Variants in AIRIM observed in about 807,000 individuals in gnomAD.
AIRIM encodes the protein AFG2-interacting ribosome maturation factor.
At chr1:37,687,953 G>A in the AIRIM span, among the ~76,000 whole-genome samples, 1 of 151,648 alleles carries the variant, frequency 6.6e-6, no homozygotes, top group Non-Finnish European at 1.5e-5. Context: ...AAACTTCTAG[G>A]CTCAAGCGAT....
the AIRIM span, chr1:37,682,709 A>G: frequency 6.3e-6 from 1 of 158,726 alleles, no homozygotes; most frequent in African/African-American, 2.4e-5. Flanking sequence ...GTATTGACAA[A>G]AGACACAAAA....
chr1:37,689,992 G>C, the AIRIM span: 1 of 1,442,918 alleles, frequency 6.9e-7, no homozygotes, highest in South Asian at 1.5e-5. Flanking sequence ...TCAGACAGGA[G>C]TTGTCTCACC....
At chr1:37,681,746 A>G in the AIRIM span, 2 of 152,226 alleles carry the variant, frequency 1.3e-5, no homozygotes, top group Non-Finnish European at 2.9e-5. Flanking sequence ...AAACACAAAG[A>G]TTTGGGAAAA....
At chr1:37,689,984 A>G in the AIRIM span, 1 of 1,447,992 alleles carries the variant, frequency 6.9e-7, no homozygotes, top group African/African-American at 1.4e-5. Context: ...TATCGTGTTC[A>G]GACAGGAGTT....
chr1:37,683,200 C>T, the AIRIM span: 98 of 1,603,752 alleles, frequency 6.1e-5, no homozygotes, highest in Middle Eastern at 1.6e-4. Flanking sequence ...TATCACCTCT[C>T]CCGAGAACAT....
the AIRIM span, chr1:37,683,261 C>T: frequency 5.6e-6 from 9 of 1,610,816 alleles, no homozygotes; most frequent in Non-Finnish European, 7.6e-6. Context: ...TCCAAAGAGG[C>T]GAGCCACAGG....
At chr1:37,687,059 AGTGTGTGTGT>A in the AIRIM span, among the ~76,000 whole-genome samples, 10,299 of 141,078 alleles carry the variant, frequency 0.073, 506 homozygotes, top group East Asian at 0.2. Flanking sequence ...CCGTCTCAAA[AGTGTGTGTGT>A]GTGTGTGTGT....
the AIRIM span, chr1:37,691,952 T>C: frequency 0.24 from 36,336 of 151,836 alleles, 4,533 homozygotes; most frequent in Middle Eastern, 0.3. Flanking sequence ...ACCCCTGCCC[T>C]GCTCCTCTAT....
chr1:37,687,110 G>A, the AIRIM span, among the ~76,000 whole-genome samples: 77,229 of 139,622 alleles, frequency 0.55, 20,638 homozygotes, highest in East Asian at 0.73. Flanking sequence ...GTGTGTGTGT[G>A]TATAGTTTTT....
At chr1:37,683,944 C>G in the AIRIM span, 1 of 159,682 alleles carries the variant, frequency 6.3e-6, no homozygotes, top group Non-Finnish European at 1.4e-5. Context: ...CACCAAGTAC[C>G]AACGCAGGGC....
the AIRIM span, among the ~76,000 whole-genome samples, chr1:37,684,825 C>G: frequency 6.6e-6 from 1 of 151,962 alleles, no homozygotes; most frequent in Non-Finnish European, 1.5e-5. Context: ...CACATGAAGG[C>G]AGAAACCTAA....
chr1:37,689,632 G>A, the AIRIM span: 1 of 1,611,434 alleles, frequency 6.2e-7, no homozygotes, highest in South Asian at 1.1e-5. Flanking sequence ...TGTCCAGGAC[G>A]ATGTCACCAG....
chr1:37,683,561 TG>T, the AIRIM span: 1 of 1,107,552 alleles, frequency 9.0e-7, no homozygotes. Flanking sequence ...TTTTACCAGG[TG>T]GGCCTGATTC....
the AIRIM span, chr1:37,689,858 A>G: frequency 1.3e-6 from 2 of 1,576,502 alleles, no homozygotes; most frequent in Non-Finnish European, 1.7e-6. Context: ...CTGCACGGCA[A>G]GCAGAGGCCG....
the AIRIM span, chr1:37,690,465 C>T: frequency 3.2e-6 from 4 of 1,259,620 alleles, no homozygotes; most frequent in Middle Eastern, 2.3e-4. Context: ...ACTTAAAAGT[C>T]CAGACAGCCA....
At chr1:37,687,714 G>A in the AIRIM span, among the ~76,000 whole-genome samples, 1 of 152,078 alleles carries the variant, frequency 6.6e-6, no homozygotes, top group Non-Finnish European at 1.5e-5. Flanking sequence ...CTGGGCAACA[G>A]GGTGAGACTG....
the AIRIM span, among the ~76,000 whole-genome samples, chr1:37,688,340 G>A: frequency 4.6e-5 from 7 of 152,170 alleles, no homozygotes; most frequent in Non-Finnish European, 1.0e-4. Flanking sequence ...AAGCCACCGT[G>A]CCGGGCCAGT....
the AIRIM span, chr1:37,689,491 C>T: frequency 1.6e-6 from 2 of 1,266,368 alleles, no homozygotes; most frequent in Non-Finnish European, 2.2e-6. Flanking sequence ...GTTGAGATAC[C>T]TCCACATGCC....
the AIRIM span, chr1:37,689,690 C>A: frequency 1.2e-6 from 2 of 1,614,056 alleles, no homozygotes; most frequent in East Asian, 2.2e-5. Flanking sequence ...TGGGAAGGCC[C>A]GAAGCGCCGG....
Sources: gnomAD v4.1 joint callset for allele counts (sites outside exome capture counted in the v4.1 genomes callset) on GRCh38, gnomAD v4.1.1 for gene constraint, MANE v1.5 for transcripts, NCBI Gene and HGNC (gene_info 2026-07-23, HGNC 2026-07-21) for gene names.